The following CADPS variants were observed in gnomAD, a reference collection of about 807,000 sequenced individuals.
CADPS encodes calcium dependent secretion activator, also known as calcium-dependent secretion activator 1.
A neutral mutation model predicts 167.3 loss-of-function variants in CADPS; 57 were observed. That is an observed-to-expected ratio of 0.34 (90% CI 0.28 to 0.42). CADPS has a LOEUF of 0.42. Among genes scored for constraint, CADPS ranks in the 20% least tolerant of loss-of-function variants. CADPS has a pLI of 1.00. For missense variants in CADPS, 1,414 were observed against 1,738.1 expected, an observed-to-expected ratio of 0.81 and a Z score of 3.32; for synonymous variants, 676 against 635.3, an observed-to-expected ratio of 1.06 and a Z score of -0.96.
At chr3:62,677,912 C>T (rs1348422623) in intron 3 of CADPS, among the ~76,000 whole-genome samples, 4 of 151,996 alleles carry the variant, frequency 2.6e-5, no homozygotes, top group Admixed American at 6.6e-5. Flanking sequence ...CAGGTATTTC[C>T]GGAATTCTGC....
chr3:62,496,056 T>C (rs1283959116), intron 18 of CADPS, among the ~76,000 whole-genome samples: 1 of 150,772 alleles, frequency 6.6e-6, no homozygotes, highest in Non-Finnish European at 1.5e-5. Flanking sequence ...TTTAGTCTTT[T>C]GTTTTTCTTT....
chr3:62,830,733 G>A (rs1449332941), intron 1 of CADPS, among the ~76,000 whole-genome samples: 2 of 152,154 alleles, frequency 1.3e-5, no homozygotes, highest in Non-Finnish European at 2.9e-5. Context: ...CTGATGGGGT[G>A]TGCTGGGCCC....
intron 1 of CADPS, among the ~76,000 whole-genome samples, chr3:62,867,223 C>T (rs762425880): frequency 6.6e-6 from 1 of 152,066 alleles, no homozygotes; most frequent in East Asian, 1.9e-4. Context: ...TTGAAAAAGG[C>T]AGGTGACCTA....
At chr3:62,502,304 ATT>A (rs545359923) in intron 17 of CADPS, among the ~76,000 whole-genome samples, 5 of 144,408 alleles carry the variant, frequency 3.5e-5, no homozygotes, top group African/African-American at 5.1e-5. Context: ...CTTAGAAGTG[ATT>A]TTTTTTTTTT....
intron 3 of CADPS, among the ~76,000 whole-genome samples, chr3:62,739,701 C>T (rs1448199223): frequency 6.6e-6 from 1 of 152,192 alleles, no homozygotes; most frequent in Non-Finnish European, 1.5e-5. Context: ...CATCTCCTCA[C>T]TTCCAATTTC....
chr3:62,653,642 C>A (rs973111870), intron 4 of CADPS, among the ~76,000 whole-genome samples: 1 of 152,100 alleles, frequency 6.6e-6, no homozygotes, highest in Non-Finnish European at 1.5e-5. Flanking sequence ...AAGTTTGGCA[C>A]ATAATAAGTA....
At chr3:62,442,137 A>G (rs1361852608) in intron 27 of CADPS, among the ~76,000 whole-genome samples, 1 of 150,992 alleles carries the variant, frequency 6.6e-6, no homozygotes, top group Non-Finnish European at 1.5e-5. Context: ...TTTTTTGCCA[A>G]GTATTGCTGC....
At chr3:62,822,025 C>T (rs1354517459) in intron 1 of CADPS, among the ~76,000 whole-genome samples, 1 of 152,182 alleles carries the variant, frequency 6.6e-6, no homozygotes, top group Non-Finnish European at 1.5e-5. Context: ...CATCCATCCT[C>T]AAGCCAGTGT....
At chr3:62,610,772 C>A (rs531267446) in intron 6 of CADPS, among the ~76,000 whole-genome samples, 16 of 152,154 alleles carry the variant, frequency 1.1e-4, no homozygotes, top group African/African-American at 2.9e-4. Flanking sequence ...ACTAGCCAGG[C>A]CTCCTCAGTC....
At chr3:62,868,902 C>T (rs1053454328) in intron 1 of CADPS, among the ~76,000 whole-genome samples, 1 of 152,132 alleles carries the variant, frequency 6.6e-6, no homozygotes, top group Non-Finnish European at 1.5e-5. Context: ...CCCATCTCCA[C>T]ATGAGAGATT....
Position 62,775,212 on chromosome 3 carries a change from A to ATT in CADPS, c.442-9230_442-9229dup, listed in dbSNP as rs1460122337. On this transcript the variant is annotated intron_variant, in intron 1 of 29. Transcript: ENST00000383710. Reference sequence around the variant, plus strand: ...ACCACCAAGCCCAGCCAATTTTTGTATTTTTGTATTTTTTTTTTTTAGTAG... The same window carrying ATT: ...ACCACCAAGCCCAGCCAATTTTTGTATTTTTTTGTATTTTTTTTTTTTAGTAG... Among the ~76,000 whole-genome samples the ATT allele has an allele frequency of 2.9e-4, 11 of 38,204 alleles. No individual in the cohort carries two copies. In the South Asian group the frequency reaches 4.5e-3, roughly 16 times the overall value. The allele number at this position is 38,204 out of a possible 152,430, so 25.1% of individuals were successfully genotyped here.
chr3:62,515,596 A>G (rs994244003), intron 16 of CADPS, among the ~76,000 whole-genome samples: 1 of 151,942 alleles, frequency 6.6e-6, no homozygotes, highest in African/African-American at 2.4e-5. Context: ...ACCAAAAGAC[A>G]AGGTACTTTT....
chr3:62,794,184 C>T (rs1054844520), intron 1 of CADPS, among the ~76,000 whole-genome samples: 1 of 152,186 alleles, frequency 6.6e-6, no homozygotes, highest in African/African-American at 2.4e-5. Flanking sequence ...CCAGTGACTA[C>T]TAACCATGAA....
intron 3 of CADPS, among the ~76,000 whole-genome samples, chr3:62,741,059 C>T (rs941974823): frequency 2.3e-4 from 35 of 152,090 alleles, no homozygotes; most frequent in African/African-American, 8.5e-4. Flanking sequence ...ATAACTGATT[C>T]CAGAGAACCA....
intron 6 of CADPS, among the ~76,000 whole-genome samples, chr3:62,644,567 C>T (rs764349850): frequency 6.6e-6 from 1 of 152,184 alleles, no homozygotes; most frequent in South Asian, 2.1e-4. Flanking sequence ...CAAGGCCTAA[C>T]AACTTCCTCA....
intron 3 of CADPS, among the ~76,000 whole-genome samples, chr3:62,735,439 C>A (rs1346735237): frequency 6.6e-6 from 1 of 152,128 alleles, no homozygotes; most frequent in Non-Finnish European, 1.5e-5. Flanking sequence ...TATTCATTAA[C>A]CTGTGTAACA....
At chr3:62,411,127 C>A (rs890730924) in intron 28 of CADPS, among the ~76,000 whole-genome samples, 2 of 152,066 alleles carry the variant, frequency 1.3e-5, no homozygotes, top group African/African-American at 2.4e-5. Context: ...AACAAACAAA[C>A]AAACCCCACC....
chr3:62,547,210 T>C (rs905569657), intron 11 of CADPS, among the ~76,000 whole-genome samples: 5 of 152,098 alleles, frequency 3.3e-5, no homozygotes, highest in Admixed American at 3.3e-4. Context: ...ATGGGACGGC[T>C]GGGATCCACA....
chr3:62,429,679 A>T (rs1194645825), intron 28 of CADPS, among the ~76,000 whole-genome samples: 1 of 151,676 alleles, frequency 6.6e-6, no homozygotes, highest in East Asian at 1.9e-4. Flanking sequence ...TCTGTCACTT[A>T]CTGCTTCCAT....
Sources: gnomAD v4.1 joint callset for allele counts (sites outside exome capture counted in the v4.1 genomes callset) on GRCh38, gnomAD v4.1.1 for gene constraint, MANE v1.5 for transcripts, NCBI Gene and HGNC (gene_info 2026-07-23, HGNC 2026-07-21) for gene names.